IL1RL2: variants seen among roughly 807,000 people sequenced by gnomAD.
IL1RL2 encodes interleukin 1 receptor like 2, also known as interleukin-1 receptor-like 2.
Under a neutral mutation model 66.8 loss-of-function variants are expected in IL1RL2, and 68 were observed. That is an observed-to-expected ratio of 1.02 (90% confidence interval 0.84 to 1.25). The LOEUF is 1.25. Among genes scored for constraint, IL1RL2 ranks in the 50% most tolerant of loss-of-function variants. The pLI, the probability that IL1RL2 is intolerant of heterozygous loss-of-function variation, is 0.00. For missense variants in IL1RL2, 729 were observed against 709.3 expected (o/e 1.03, Z -0.32); for synonymous variants, 305 against 264.6 (o/e 1.15, Z -1.48).
intron 8 of IL1RL2, among the ~76,000 whole-genome samples, chr2:102,221,416 G>A (rs1690117412): frequency 6.6e-6 from 1 of 152,064 alleles, no homozygotes; most frequent in Non-Finnish European, 1.5e-5. Flanking sequence ...GCTGTGTAAG[G>A]GACTGCAGAT....
rs1379818267 is a variant in IL1RL2, at chr2:102,219,086, G to A, written c.854+4G>A. On this transcript the variant is annotated splice_donor_region_variant and intron_variant, in intron 7 of 11. Transcript: ENST00000264257. Reference sequence around the variant, plus strand: ...AACGAATCAGAGAAGGGGTGGAGTAGGTGTTTTGCTTTTTTGACTTCTCTA... The same window carrying A: ...AACGAATCAGAGAAGGGGTGGAGTAAGTGTTTTGCTTTTTTGACTTCTCTA... 1 of 1,613,730 alleles carries A rather than the reference G, an allele frequency of 6.2e-7. No homozygotes were observed. Among genetic ancestry groups the A allele is most frequent in the Non-Finnish European group, 8.5e-7 (1 of 1,179,720 alleles).
intron 6 of IL1RL2, among the ~76,000 whole-genome samples, chr2:102,215,562 A>T (rs532885266): frequency 6.6e-6 from 1 of 151,642 alleles, no homozygotes; most frequent in Admixed American, 6.6e-5. Context: ...GGGTGTACAT[A>T]CTCACCCTCA....
At chr2:102,202,833 A>C (rs1277597263) in intron 5 of IL1RL2, among the ~76,000 whole-genome samples, 1 of 152,178 alleles carries the variant, frequency 6.6e-6, no homozygotes, top group Non-Finnish European at 1.5e-5. Context: ...CAACAATGAT[A>C]ATTTGAATTC....
At chr2:102,206,275 ATGTTTTCC>A (rs1688692657) in intron 5 of IL1RL2, among the ~76,000 whole-genome samples, 1 of 152,064 alleles carries the variant, frequency 6.6e-6, no homozygotes, top group Non-Finnish European at 1.5e-5. Context: ...TGAGGAGGTC[ATGTTTTCC>A]TGGATGGTGT....
At chr2:102,229,844 T>A (rs1690962445) in intron 9 of IL1RL2, among the ~76,000 whole-genome samples, 1 of 152,238 alleles carries the variant, frequency 6.6e-6, no homozygotes. Context: ...TCAAATGTCT[T>A]CTGATCCTGA....
At chr2:102,188,077 G>A in intron 2 of IL1RL2, 152 bp downstream of exon 2, 2 of 666,270 alleles carry the variant, frequency 3.0e-6, no homozygotes. Flanking sequence ...AGGAAACAGA[G>A]AACCAGCTCC....
intron 5 of IL1RL2, among the ~76,000 whole-genome samples, chr2:102,204,249 T>C (rs1688511439): frequency 6.6e-6 from 1 of 152,136 alleles, no homozygotes; most frequent in Non-Finnish European, 1.5e-5. Context: ...AGAAGATGCT[T>C]GATATTATTC....
intron 8 of IL1RL2, among the ~76,000 whole-genome samples, chr2:102,221,781 G>A (rs924987605): frequency 3.3e-5 from 5 of 152,192 alleles, no homozygotes; most frequent in Non-Finnish European, 7.3e-5. Flanking sequence ...TGGGAAATGA[G>A]GAGGATAGCG....
intron 5 of IL1RL2, among the ~76,000 whole-genome samples, chr2:102,208,113 C>T (rs1017684016): frequency 3.3e-5 from 5 of 152,160 alleles, no homozygotes; most frequent in Non-Finnish European, 5.9e-5. Flanking sequence ...CAGGGGTTGG[C>T]GAGAGTGGCA....
At chr2:102,210,747 G>A (rs1454947993) in intron 5 of IL1RL2, among the ~76,000 whole-genome samples, 1 of 152,182 alleles carries the variant, frequency 6.6e-6, no homozygotes, top group Non-Finnish European at 1.5e-5. Flanking sequence ...TTAGGAGTGA[G>A]ATCATGAGTT....
chr2:102,195,502 G>C (rs1687590183), intron 4 of IL1RL2, among the ~76,000 whole-genome samples: 1 of 151,372 alleles, frequency 6.6e-6, no homozygotes, highest in South Asian at 2.1e-4. Flanking sequence ...ATTGGTCTTT[G>C]TGTGTAGATC....
chr2:102,229,718 G>A (rs1304662833), intron 9 of IL1RL2, among the ~76,000 whole-genome samples: 1 of 152,204 alleles, frequency 6.6e-6, no homozygotes, highest in African/African-American at 2.4e-5. Context: ...GAGAACATCA[G>A]CAAGTTCTAT....
rs780802208 is a variant in IL1RL2, at chr2:102,201,688, GT to G, written c.626del (p.Leu209Ter). 1.5e-5 allele frequency: 25 copies of G among 1,614,000 alleles called. No homozygotes were observed. The South Asian group carries it at 2.6e-4, about 17-fold the overall frequency. ...ILTHSGKQYE[V>X]LNGITVSITE... is the part of the protein sequence containing the mutation. ...GACACACTCAGGGAAGCAGTACGAGGTTTTAAATGGCATCACTGTGAGCATT... is the reference window on the plus strand; with the variant it reads ...GACACACTCAGGGAAGCAGTACGAGGTTTAAATGGCATCACTGTGAGCATT... On this transcript the variant is annotated frameshift_variant, in exon 5 of 12. Transcript: ENST00000264257. LOFTEE classifies it high-confidence loss of function.
At chr2:102,207,033 C>G (rs533579852) in intron 5 of IL1RL2, among the ~76,000 whole-genome samples, 1 of 152,190 alleles carries the variant, frequency 6.6e-6, no homozygotes, top group South Asian at 2.1e-4. Context: ...GTGCCACAGC[C>G]GGCCACAAGG....
intron 8 of IL1RL2, among the ~76,000 whole-genome samples, chr2:102,220,469 T>A (rs1690007633): frequency 6.6e-6 from 1 of 152,248 alleles, no homozygotes; most frequent in South Asian, 2.1e-4. Context: ...TCAATGTGTG[T>A]ATACGAATTG....
intron 11 of IL1RL2, chr2:102,235,739 C>G: frequency 1.0e-6 from 1 of 985,402 alleles, no homozygotes; most frequent in Non-Finnish European, 1.2e-6. Context: ...CCACGCCTGT[C>G]CAGTGTCTTC....
intron 4 of IL1RL2, among the ~76,000 whole-genome samples, chr2:102,195,713 CTTT>C (rs375355881): frequency 1.0e-5 from 1 of 99,990 alleles, no homozygotes; most frequent in South Asian, 3.6e-4. Context: ...TTCTTTCTTT[CTTT>C]TTTTTTTTCT....
chr2:102,187,912 G>A lies in IL1RL2; in HGVS notation c.45G>A (p.Leu15=), dbSNP rs765482676. 1.5e-5 allele frequency: 24 copies of A among 1,613,868 alleles called. No individual in the cohort carries two copies. The highest frequency in any genetic ancestry group is 1.9e-5 in the Non-Finnish European group (23 of 1,179,960). Reference sequence around the variant, plus strand: ...GCGGGTTGTCCATCGCCCTTCCACTGTCTGTCACAGCAGGTACGTTCCGTG... The same window carrying A: ...GCGGGTTGTCCATCGCCCTTCCACTATCTGTCACAGCAGGTACGTTCCGTG... The part of the protein sequence containing the change: ...LLCGLSIALP[L]SVTADGCKDI... Residue 15 remains leucine, a synonymous_variant, in exon 2 of 12, where the codon CTG becomes CTA. Coordinates refer to ENST00000264257, the MANE Select transcript of IL1RL2 (RefSeq NM_003854.4).
chr2:102,232,039 T>G (rs906364412), intron 9 of IL1RL2, among the ~76,000 whole-genome samples: 1 of 152,144 alleles, frequency 6.6e-6, no homozygotes, highest in Non-Finnish European at 1.5e-5. Flanking sequence ...TTGTTTGTTT[T>G]AGAGATGTGG....
Sources: gnomAD v4.1 joint callset for allele counts (sites outside exome capture counted in the v4.1 genomes callset) on GRCh38, gnomAD v4.1.1 for gene constraint, MANE v1.5 for transcripts, NCBI Gene and HGNC (gene_info 2026-07-23, HGNC 2026-07-21) for gene names.